Variants in VWF observed in about 807,000 individuals in gnomAD.
VWF encodes the protein von Willebrand factor.
Under a neutral mutation model 308.6 loss-of-function variants are expected in VWF, and 176 were observed. The observed-to-expected ratio is 0.57, with a 90% CI of 0.50 to 0.65. VWF has a LOEUF of 0.65. Among genes scored for constraint, VWF ranks in the 30% least tolerant of loss-of-function variants. The pLI is 0.00. For synonymous variants in VWF, 1,385 were observed against 1,443.4 expected, an observed-to-expected ratio of 0.96 and a Z score of 0.92; for missense variants, 3,146 against 3,648.2, an observed-to-expected ratio of 0.86 and a Z score of 3.55.
chr12:6,114,940 G>C (rs563053350), intron 3 of VWF, among the ~76,000 whole-genome samples: 2 of 152,210 alleles, frequency 1.3e-5, no homozygotes, highest in East Asian at 1.9e-4. Context: ...AGTGAGGATT[G>C]AACTGCATGG....
intron 6 of VWF, among the ~76,000 whole-genome samples, chr12:6,092,614 T>TGAGTGAGAGAGAGAGAGA (rs71064187): frequency 0.022 from 1,911 of 85,756 alleles, 117 homozygotes; most frequent in Non-Finnish European, 0.026. Context: ...AGTGAGTGAG[T>TGAGTGAGAGAGAGAGAGA]GAGAGTGTGT....
intron 42 of VWF, among the ~76,000 whole-genome samples, chr12:5,981,059 C>T (rs1442212550): frequency 6.6e-6 from 1 of 152,198 alleles, no homozygotes; most frequent in East Asian, 1.9e-4. Context: ...GTCATATATA[C>T]TAACAAGGGC....
intron 42 of VWF, among the ~76,000 whole-genome samples, chr12:5,977,871 C>CTA (rs1176869942): frequency 3.4e-5 from 5 of 148,122 alleles, no homozygotes; most frequent in Non-Finnish European, 7.4e-5. Context: ...CCCTATCTCT[C>CTA]TCTCTATATA....
intron 18 of VWF, among the ~76,000 whole-genome samples, chr12:6,039,257 T>C (rs1407662041): frequency 6.6e-6 from 1 of 152,202 alleles, no homozygotes; most frequent in African/African-American, 2.4e-5. Context: ...TCATGACATC[T>C]TCAGTCCGAA....
chr12:6,110,615 T>C (rs1034642511), intron 4 of VWF, 33 bp from the exon 5 acceptor site: 1 of 1,606,676 alleles, frequency 6.2e-7, no homozygotes, highest in African/African-American at 1.3e-5. Flanking sequence ...AGAAGTGGGC[T>C]TCTTGTGCAT....
At position 5,968,160 on chromosome 12, in the gene VWF, C is replaced by CA. The variant is rs1426545858; in HGVS notation, c.7736dup (p.Met2579IlefsTer58). 1 of 1,614,130 alleles carries CA rather than the reference C, an allele frequency of 6.2e-7. No individual in the cohort carries two copies. The highest frequency in any genetic ancestry group is 1.7e-5 in the Admixed American group (1 of 60,028). ...CAGTGCCATTGAGCATGCAGGCCTC[C>CA]ATGCGCTCTGGGGGAGAGAAAAGTG... On this transcript the variant is annotated frameshift_variant, in exon 46 of 52. Coordinates refer to ENST00000261405, the MANE Select transcript of VWF (RefSeq NM_000552.5). LOFTEE classifies it high-confidence loss of function.
intron 3 of VWF, among the ~76,000 whole-genome samples, chr12:6,111,280 A>T (rs1490026703): frequency 6.6e-6 from 1 of 152,250 alleles, no homozygotes; most frequent in Non-Finnish European, 1.5e-5. Context: ...GAAGACAAAC[A>T]TGCGACAATT....
intron 11 of VWF, among the ~76,000 whole-genome samples, chr12:6,064,780 C>G (rs1230207624): frequency 6.6e-6 from 1 of 152,200 alleles, no homozygotes; most frequent in Non-Finnish European, 1.5e-5. Flanking sequence ...CCACAGAGTT[C>G]AGAAGAGAAG....
chr12:6,057,311 A>ATTTTTTTTTTTCT (rs1407594065), intron 14 of VWF, among the ~76,000 whole-genome samples: 5,843 of 129,172 alleles, frequency 0.045, 523 homozygotes, highest in African/African-American at 0.14. Flanking sequence ...GGACTATGGA[A>ATTTTTTTTTTTCT]TTTTTTTTTT....
chr12:6,102,084 G>A (rs1376953841), intron 5 of VWF, among the ~76,000 whole-genome samples: 1 of 152,172 alleles, frequency 6.6e-6, no homozygotes, highest in African/African-American at 2.4e-5. Context: ...GAAAGGGAAG[G>A]GCTGATTCTT....
intron 34 of VWF, among the ~76,000 whole-genome samples, chr12:6,002,310 A>G (rs216805): frequency 0.3 from 45,096 of 151,644 alleles, 7,289 homozygotes; most frequent in East Asian, 0.5. Context: ...TTTTAAAAAA[A>G]TCCAGAAAGA....
At chr12:6,021,001 TAG>T (rs1301757062) in intron 27 of VWF, 1 of 152,194 alleles carries the variant, frequency 6.6e-6, no homozygotes, top group Non-Finnish European at 1.5e-5. Context: ...TGTGCGCAGG[TAG>T]AGTCTTACTA....
At chr12:5,957,311 G>A (rs888970124) in intron 47 of VWF, among the ~76,000 whole-genome samples, 1 of 152,134 alleles carries the variant, frequency 6.6e-6, no homozygotes, top group Admixed American at 6.6e-5. Flanking sequence ...GTGAATGTAC[G>A]TGTAATTAGA....
At chr12:6,086,903 G>C (rs1944978710) in intron 6 of VWF, among the ~76,000 whole-genome samples, 1 of 152,194 alleles carries the variant, frequency 6.6e-6, no homozygotes, top group Admixed American at 6.5e-5. Context: ...CAACATGACT[G>C]TTTAAAATGT....
At chr12:5,991,707 AAG>A in intron 38 of VWF, 110 bp downstream of exon 38, 1 of 1,165,306 alleles carries the variant, frequency 8.6e-7, no homozygotes, top group South Asian at 1.3e-5. Context: ...TGATCCCCGT[AAG>A]AGTCAACCCT....
chr12:5,968,175 A>T lies in VWF; in HGVS notation c.7730-8T>A, dbSNP rs1457411635. The stretch of plus-strand genomic sequence containing the variant: ...TGCAGGCCTCCATGCGCTCTGGGGG[A>T]GAGAAAAGTGCAGAGTGAGAGTGGG... On this transcript the variant is annotated splice_polypyrimidine_tract_variant and splice_region_variant and intron_variant, in intron 45 of 51. Coordinates refer to ENST00000261405, the MANE Select transcript of VWF (RefSeq NM_000552.5). 3.7e-6 allele frequency: 6 copies of T among 1,613,552 alleles called. No individual in the cohort carries two copies. The highest frequency in any genetic ancestry group is 8.5e-7 in the Non-Finnish European group (1 of 1,179,902).
At chr12:6,103,331 A>AATAT (rs761899431) in intron 5 of VWF, among the ~76,000 whole-genome samples, 1 of 146,518 alleles carries the variant, frequency 6.8e-6, no homozygotes, top group African/African-American at 2.5e-5. Flanking sequence ...CGTCTCAAAA[A>AATAT]ATATATATAT....
At chr12:5,951,590 G>A (rs536118965) in intron 50 of VWF, among the ~76,000 whole-genome samples, 6 of 152,308 alleles carry the variant, frequency 3.9e-5, no homozygotes, top group Admixed American at 6.5e-5. Flanking sequence ...GCAGGAAAAG[G>A]GGAAAGAGAT....
At chr12:6,103,476 G>GTA (rs148409108) in intron 5 of VWF, among the ~76,000 whole-genome samples, 15,417 of 122,214 alleles carry the variant, frequency 0.13, 4,342 homozygotes, top group African/African-American at 0.55. Context: ...ACATATGTGT[G>GTA]TATATACATA....
Sources: gnomAD v4.1 joint callset for allele counts (sites outside exome capture counted in the v4.1 genomes callset) on GRCh38, gnomAD v4.1.1 for gene constraint, MANE v1.5 for transcripts, NCBI Gene and HGNC (gene_info 2026-07-23, HGNC 2026-07-21) for gene names.